SLC16A12: variants seen among roughly 807,000 people sequenced by gnomAD.
The protein encoded by SLC16A12 is solute carrier family 16 member 12.
SLC16A12 carries 17 observed loss-of-function variants against 42.4 expected under a neutral mutation model. That is an observed-to-expected ratio of 0.40 (90% CI 0.27 to 0.60). The LOEUF (loss-of-function observed/expected upper bound fraction) is 0.60, where lower values mean the gene tolerates loss of function less well. Ranked by LOEUF, SLC16A12 falls within the 20% of genes least tolerant of loss-of-function variation. The pLI, the probability that SLC16A12 is intolerant of heterozygous loss-of-function variation, is 0.42. For missense variants in SLC16A12, 544 were observed against 623.0 expected, an observed-to-expected ratio of 0.87 and a Z score of 1.35; for synonymous variants, 224 against 229.4, an observed-to-expected ratio of 0.98 and a Z score of 0.21.
upstream of SLC16A12, among the ~76,000 whole-genome samples, chr10:89,540,239 C>T (rs138778414): frequency 5.2e-4 from 79 of 152,180 alleles, 1 homozygote; most frequent in African/African-American, 1.7e-3. Context: ...GCTGGGACTA[C>T]AGCCACCCAC....
At chr10:89,442,289 G>A (rs1841925109) in intron 4 of SLC16A12, among the ~76,000 whole-genome samples, 1 of 152,142 alleles carries the variant, frequency 6.6e-6, no homozygotes, top group African/African-American at 2.4e-5. Context: ...CTAATATTAT[G>A]TTACAAGGTG....
In SLC16A12 at chr10:89,439,177, C is replaced by T. The variant is rs1176638925; in HGVS notation, c.455G>A (p.Gly152Glu). Reference sequence around the variant, plus strand: ...AGCTGGAGAGTAACAAAGTGCAAATCCAAGACCTGAGGATAAAGAGAACTC... The same window carrying T: ...AGCTGGAGAGTAACAAAGTGCAAATTCAAGACCTGAGGATAAAGAGAACTC... Reference protein sequence around the residue: ...YLTLGVLTGLGFALCYSPAIA... With the variant: ...YLTLGVLTGLEFALCYSPAIA... The change falls in exon 6 of 8, where the codon GGA becomes GAA. Residue 152 changes from glycine to glutamate, a missense_variant. Gly to Glu is a moderately conservative substitution (Grantham distance 98). Coordinates refer to ENST00000371790, the MANE Select transcript of SLC16A12 (RefSeq NM_213606.4). 1.9e-6 allele frequency: 3 copies of T among 1,614,054 alleles called. No homozygotes were observed. Among genetic ancestry groups the T allele is most frequent in the Non-Finnish European group, 2.5e-6 (3 of 1,180,000 alleles).
intron 2 of SLC16A12, among the ~76,000 whole-genome samples, chr10:89,481,680 T>A (rs138424280): frequency 0.16 from 21,922 of 136,620 alleles, 2,159 homozygotes; most frequent in African/African-American, 0.32. Flanking sequence ...AGAGAGAGAG[T>A]GTGTGTGTGT....
At chr10:89,449,462 A>T (rs11203129) in intron 3 of SLC16A12, among the ~76,000 whole-genome samples, 1 of 151,964 alleles carries the variant, frequency 6.6e-6, no homozygotes, top group Non-Finnish European at 1.5e-5. Context: ...CACACATCTA[A>T]GACCATCTGA....
At chr10:89,434,326 A>G (rs988558574) in intron 7 of SLC16A12, among the ~76,000 whole-genome samples, 6 of 152,214 alleles carry the variant, frequency 3.9e-5, no homozygotes, top group Non-Finnish European at 7.3e-5. Flanking sequence ...AATGAGTATC[A>G]TGTCTGATTT....
chr10:89,446,895 A>C (rs1199991144), intron 3 of SLC16A12, among the ~76,000 whole-genome samples: 2 of 152,196 alleles, frequency 1.3e-5, no homozygotes, highest in Non-Finnish European at 2.9e-5. Context: ...TAGGCTCAAA[A>C]TAAAGGGATG....
chr10:89,541,267 C>G (rs1218012383), intron 2 of SLC16A12, among the ~76,000 whole-genome samples: 2 of 152,010 alleles, frequency 1.3e-5, no homozygotes, highest in Non-Finnish European at 2.9e-5. Flanking sequence ...TCAGATTTCT[C>G]ATCTATAAAA....
At chr10:89,555,178 CT>C (rs146111006) in intron 2 of SLC16A12, among the ~76,000 whole-genome samples, 4,052 of 148,836 alleles carry the variant, frequency 0.027, 85 homozygotes, top group Non-Finnish European at 0.042. Context: ...ACAATATCTT[CT>C]TTTTTTTTTC....
At chr10:89,544,512 T>TA (rs1349719736) in intron 2 of SLC16A12, among the ~76,000 whole-genome samples, 2 of 152,260 alleles carry the variant, frequency 1.3e-5, no homozygotes, top group Non-Finnish European at 2.9e-5. Context: ...TTCAAACTTT[T>TA]ATCTCATTAT....
chr10:89,474,933 T>C (rs1298244334), intron 2 of SLC16A12, among the ~76,000 whole-genome samples: 1 of 152,210 alleles, frequency 6.6e-6, no homozygotes, highest in African/African-American at 2.4e-5. Flanking sequence ...CCGCAAACCA[T>C]TGCCTCTCCC....
chr10:89,544,978 G>T (rs776857992), intron 2 of SLC16A12, among the ~76,000 whole-genome samples: 1 of 152,180 alleles, frequency 6.6e-6, no homozygotes, highest in African/African-American at 2.4e-5. Flanking sequence ...ATAGGGAAGA[G>T]AAATGATAGT....
At chr10:89,523,313 T>C (rs1316638655) in intron 2 of SLC16A12, among the ~76,000 whole-genome samples, 1 of 152,190 alleles carries the variant, frequency 6.6e-6, no homozygotes, top group African/African-American at 2.4e-5. Context: ...AGGTCCTGTC[T>C]ATACTGACAA....
chr10:89,553,131 A>AT (rs1261922259), intron 2 of SLC16A12, among the ~76,000 whole-genome samples: 1 of 152,096 alleles, frequency 6.6e-6, no homozygotes, highest in Non-Finnish European at 1.5e-5. Flanking sequence ...ATATTGAATC[A>AT]TTTTTTCTTA....
intron 2 of SLC16A12, among the ~76,000 whole-genome samples, chr10:89,463,614 A>T (rs951384498): frequency 2.0e-5 from 3 of 152,196 alleles, no homozygotes; most frequent in Non-Finnish European, 2.9e-5. Context: ...GATAAAAAAA[A>T]TTTCGTTAAT....
At chr10:89,488,290 G>T (rs1589700371) in intron 2 of SLC16A12, among the ~76,000 whole-genome samples, 1 of 151,856 alleles carries the variant, frequency 6.6e-6, no homozygotes, top group Admixed American at 6.6e-5. Flanking sequence ...GGTTTTTTGA[G>T]GAACTTTTTA....
At chr10:89,504,635 G>C (rs1279577266) in intron 2 of SLC16A12, among the ~76,000 whole-genome samples, 1 of 152,152 alleles carries the variant, frequency 6.6e-6, no homozygotes, top group East Asian at 1.9e-4. Context: ...CAGTGTTACA[G>C]ACTAGGAAGA....
intron 2 of SLC16A12, among the ~76,000 whole-genome samples, chr10:89,473,127 C>CT (rs35439283): frequency 1.1e-3 from 160 of 142,038 alleles, no homozygotes; most frequent in South Asian, 2.5e-3. Context: ...CCTCAGCAGT[C>CT]TTTTTTTTTT....
At chr10:89,473,300 G>A (rs1352288556) in intron 2 of SLC16A12, among the ~76,000 whole-genome samples, 1 of 152,096 alleles carries the variant, frequency 6.6e-6, no homozygotes, top group African/African-American at 2.4e-5. Flanking sequence ...TGTGATATTG[G>A]CACATTATAT....
In SLC16A12 at chr10:89,439,111, A is replaced by T; in HGVS notation, c.521T>A (p.Leu174His). The change falls in exon 6 of 8, where the codon CTT becomes CAT. Residue 174 changes from leucine to histidine, a missense_variant. By Grantham distance (99) the Leu-to-His change is moderately conservative (BLOSUM62 -3). Coordinates refer to ENST00000371790, the MANE Select transcript of SLC16A12 (RefSeq NM_213606.4). ...VGKYFSRRKA[L>H]AYGIAMSGSG... is the part of the protein sequence containing the mutation. ...TCCTGACATGGCGATACCATAAGCAAGGGCTTTCCGTCTGCTGAAGTACTT... is the reference window on the plus strand; with the variant it reads ...TCCTGACATGGCGATACCATAAGCATGGGCTTTCCGTCTGCTGAAGTACTT... The T allele has an allele frequency of 6.2e-7, 1 of 1,613,920 alleles. No individual in the cohort carries two copies. Among genetic ancestry groups the T allele is most frequent in the Non-Finnish European group, 8.5e-7 (1 of 1,179,934 alleles).
Sources: allele counts gnomAD v4.1 joint callset (sites outside exome capture counted in the v4.1 genomes callset), GRCh38; gene constraint gnomAD v4.1.1; transcripts MANE v1.5; gene names NCBI Gene and HGNC (gene_info 2026-07-23, HGNC 2026-07-21).